Variants in TBC1D19 observed in about 807,000 individuals in gnomAD.
TBC1D19 encodes TBC1 domain family member 19.
Under a neutral mutation model 89.0 loss-of-function variants are expected in TBC1D19, and 60 were observed. That is an observed-to-expected ratio of 0.67 (90% CI 0.55 to 0.84). The LOEUF (loss-of-function observed/expected upper bound fraction) is 0.84, where lower values mean the gene tolerates loss of function less well. Ranked by LOEUF, TBC1D19 falls within the 40% of genes least tolerant of loss-of-function variation. TBC1D19 has a pLI of 0.00. For synonymous variants in TBC1D19, 189 were observed against 199.7 expected (o/e 0.95, Z 0.45); for missense variants, 500 against 610.8 (o/e 0.82, Z 1.91).
At chr4:26,828,586 CAGTAA>C in the TBC1D19 span, among the ~76,000 whole-genome samples, 9 of 152,242 alleles carry the variant, frequency 5.9e-5, no homozygotes, top group African/African-American at 2.2e-4. Context: ...AAGTATAGTG[CAGTAA>C]AGTAAAGCGG....
chr4:26,634,222 C>T (rs947228699), intron 4 of TBC1D19, among the ~76,000 whole-genome samples: 1 of 152,082 alleles, frequency 6.6e-6, no homozygotes, highest in Non-Finnish European at 1.5e-5. Flanking sequence ...AGACCTCAAT[C>T]TTCCGTACAT....
chr4:26,597,259 A>G (rs1577771005), intron 1 of TBC1D19, among the ~76,000 whole-genome samples: 1 of 152,308 alleles, frequency 6.6e-6, no homozygotes, highest in East Asian at 1.9e-4. Context: ...TAGTGGTTAT[A>G]TACAGATTGA....
chr4:26,767,534 G>A, the TBC1D19 span, among the ~76,000 whole-genome samples: 12 of 152,212 alleles, frequency 7.9e-5, no homozygotes, highest in Non-Finnish European at 1.0e-4. Flanking sequence ...ATGATGGAAC[G>A]TAGCTCTCTC....
Position 26,730,900 on chromosome 4 carries a change from C to A in TBC1D19, c.1085-4555C>A, listed in dbSNP as rs543063151. Among the ~76,000 whole-genome samples the A allele has an allele frequency of 3.9e-5, 6 of 152,198 alleles. No individual in the cohort carries two copies. In the South Asian group the frequency reaches 1.0e-3, roughly 26 times the overall value. On this transcript the variant is annotated intron_variant, in intron 15 of 20. Transcript: ENST00000264866. The stretch of plus-strand genomic sequence containing the variant: ...CAGGCTCTGGAAGCTGTCTTAGGAG[C>A]CTTTGGGCTCAGAATTTCAGAGTCT...
At chr4:26,796,193 T>C in the TBC1D19 span, among the ~76,000 whole-genome samples, 2 of 152,218 alleles carry the variant, frequency 1.3e-5, no homozygotes, top group Non-Finnish European at 2.9e-5. Context: ...AAATATGTAC[T>C]TTTTCTTCTT....
intron 17 of TBC1D19, 122 bp from the exon 18 acceptor site, chr4:26,742,386 T>TA: frequency 2.6e-6 from 2 of 773,322 alleles, no homozygotes. Context: ...TTTTGACTCT[T>TA]AAACAGTATA....
At chr4:26,598,596 A>C (rs911605624) in intron 1 of TBC1D19, among the ~76,000 whole-genome samples, 1 of 152,104 alleles carries the variant, frequency 6.6e-6, no homozygotes, top group African/African-American at 2.4e-5. Flanking sequence ...GGGTTTCACC[A>C]TGTTAGCCAG....
chr4:26,747,235 A>AT (rs1718700225), intron 18 of TBC1D19, among the ~76,000 whole-genome samples: 1 of 152,160 alleles, frequency 6.6e-6, no homozygotes, highest in Non-Finnish European at 1.5e-5. Context: ...GTGTGGCACT[A>AT]TTCCTCAAAT....
the TBC1D19 span, among the ~76,000 whole-genome samples, chr4:26,794,537 G>T: frequency 6.6e-6 from 1 of 152,060 alleles, no homozygotes; most frequent in African/African-American, 2.4e-5. Context: ...AAAAAAGTAT[G>T]ATCTTTTAAA....
intron 1 of TBC1D19, among the ~76,000 whole-genome samples, chr4:26,586,972 C>T (rs1739453548): frequency 6.6e-6 from 1 of 152,100 alleles, no homozygotes; most frequent in Non-Finnish European, 1.5e-5. Flanking sequence ...TGGATAATGC[C>T]TCCAGTGCAA....
At chr4:26,747,097 G>A (rs954235066) in intron 18 of TBC1D19, among the ~76,000 whole-genome samples, 3 of 152,210 alleles carry the variant, frequency 2.0e-5, no homozygotes, top group African/African-American at 7.2e-5. Context: ...GGTGACCACA[G>A]TTGGCTATGG....
At chr4:26,775,414 A>G in the TBC1D19 span, among the ~76,000 whole-genome samples, 9 of 152,174 alleles carry the variant, frequency 5.9e-5, no homozygotes, top group Non-Finnish European at 8.8e-5. Flanking sequence ...TGATTGTGTT[A>G]CCACACTCCA....
At chr4:26,844,190 G>A in the TBC1D19 span, among the ~76,000 whole-genome samples, 11 of 152,166 alleles carry the variant, frequency 7.2e-5, no homozygotes, top group East Asian at 2.1e-3. Context: ...TCTGTTAGAA[G>A]TGCCAGTACT....
At chr4:26,753,965 T>G in intron 20 of TBC1D19, 75 bp downstream of exon 20, 2 of 1,525,366 alleles carry the variant, frequency 1.3e-6, no homozygotes, top group Non-Finnish European at 1.8e-6. Flanking sequence ...TAGTGTCTGT[T>G]GCATAGGACA....
At chr4:26,719,968 T>C in intron 14 of TBC1D19, 113 bp from the exon 15 acceptor site, 1 of 715,384 alleles carries the variant, frequency 1.4e-6, no homozygotes. Context: ...AAATGACATA[T>C]CAGTTTATAG....
chr4:26,806,853 G>A, the TBC1D19 span, among the ~76,000 whole-genome samples: 1 of 152,220 alleles, frequency 6.6e-6, no homozygotes, highest in Non-Finnish European at 1.5e-5. Context: ...ACTGCAAGCT[G>A]AGGAATGCCA....
chr4:26,717,687 A>G (rs534301529), intron 13 of TBC1D19, among the ~76,000 whole-genome samples: 110 of 152,212 alleles, frequency 7.2e-4, no homozygotes, highest in African/African-American at 2.6e-3. Context: ...ACAAGAGAAG[A>G]GTCAACTGTT....
intron 19 of TBC1D19, among the ~76,000 whole-genome samples, chr4:26,750,055 C>G (rs1560512261): frequency 6.6e-6 from 1 of 152,206 alleles, no homozygotes; most frequent in East Asian, 1.9e-4. Context: ...TGCTGGGACA[C>G]TTCAGTATTG....
At chr4:26,781,210 G>T in the TBC1D19 span, among the ~76,000 whole-genome samples, 7 of 152,294 alleles carry the variant, frequency 4.6e-5, no homozygotes, top group South Asian at 1.5e-3. Flanking sequence ...TGATTCTGGT[G>T]CAAGTCCAAG....
Sources: allele counts gnomAD v4.1 joint callset (sites outside exome capture counted in the v4.1 genomes callset), GRCh38; gene constraint gnomAD v4.1.1; transcripts MANE v1.5; gene names NCBI Gene and HGNC (gene_info 2026-07-23, HGNC 2026-07-21).